CLDN18: variants seen among roughly 807,000 people sequenced by gnomAD.
CLDN18 encodes the protein claudin-18.
Under a neutral mutation model 25.0 loss-of-function variants are expected in CLDN18, and 20 were observed. The ratio of observed to expected loss-of-function variants is 0.80; its 90% CI spans 0.56 to 1.16. CLDN18 has a LOEUF of 1.16. Ranked by LOEUF, CLDN18 falls within the 50% of genes most tolerant of loss-of-function variation. The probability of loss-of-function intolerance (pLI) is 0.00; values close to 1 mark genes in which losing one functional copy is unlikely to be tolerated. For missense variants in CLDN18, 297 were observed against 345.4 expected (o/e 0.86, Z 1.11); for synonymous variants, 125 against 135.6 (o/e 0.92, Z 0.54).
rs1012252571 is a variant in CLDN18, at chr3:138,031,939, G to A, written c.*798G>A. Reference sequence around the variant, plus strand: ...TAGTAAAATGATACACTATCTCTGTGAAATAGCCTCACCCCTACATGTGGA... The same window carrying A: ...TAGTAAAATGATACACTATCTCTGTAAAATAGCCTCACCCCTACATGTGGA... On this transcript the variant is annotated 3_prime_UTR_variant, in exon 5 of 5. Coordinates refer to ENST00000183605, the MANE Select transcript of CLDN18 (RefSeq NM_016369.4). The A allele has an allele frequency of 2.0e-5, 3 of 152,126 alleles. No homozygotes were observed. Among genetic ancestry groups the A allele is most frequent in the Non-Finnish European group, 2.9e-5 (2 of 68,018 alleles). The allele number at this position is 152,126 out of a possible 1,614,324, so 9.4% of individuals were successfully genotyped here. A position where few individuals can be genotyped will look rare whatever the true frequency, so the allele number is the denominator to read the frequency against.
intron 1 of CLDN18, among the ~76,000 whole-genome samples, chr3:138,002,189 C>T (rs963766702): frequency 3.3e-5 from 5 of 152,120 alleles, no homozygotes; most frequent in Admixed American, 6.5e-5. Context: ...GAGGTGTCTA[C>T]GACTTGGTAG....
intron 1 of CLDN18, among the ~76,000 whole-genome samples, chr3:138,016,295 C>G (rs549712179): frequency 1.3e-5 from 2 of 152,290 alleles, no homozygotes; most frequent in East Asian, 3.9e-4. Flanking sequence ...GACCCTGTTT[C>G]TAAAGGCAGG....
chr3:138,009,232 C>A (rs1942101489), upstream of CLDN18, among the ~76,000 whole-genome samples: 1 of 152,198 alleles, frequency 6.6e-6, no homozygotes, highest in South Asian at 2.1e-4. Context: ...CCCCAACCTG[C>A]CCAGCACACG....
In CLDN18 at chr3:138,010,358, C is replaced by G; in HGVS notation, c.133C>G (p.Gln45Glu). Residue 45 changes from glutamine to glutamate, a missense_variant, in exon 1 of 5, where the codon CAG becomes GAG. Coordinates refer to ENST00000183605, the MANE Select transcript of CLDN18 (RefSeq NM_016369.4). The part of the protein sequence containing the change: ...LYDNPVTSVF[Q>E]YEGLWRSCVR... ...CGACAACCCCGTCACCTCCGTGTTC[C>G]AGTACGAAGGGCTCTGGAGGAGCTG... 1 of 1,614,244 alleles carries G rather than the reference C, an allele frequency of 6.2e-7. No individual in the cohort carries two copies. Among genetic ancestry groups the G allele is most frequent in the Non-Finnish European group, 8.5e-7 (1 of 1,180,044 alleles).
At chr3:138,020,181 T>C (rs1318076586) in intron 1 of CLDN18, among the ~76,000 whole-genome samples, 1 of 152,106 alleles carries the variant, frequency 6.6e-6, no homozygotes, top group African/African-American at 2.4e-5. Context: ...TTACTAGACA[T>C]AGGGGGTTTC....
chr3:138,030,812 A>G (rs1260289639), intron 4 of CLDN18, among the ~76,000 whole-genome samples, 158 bp from the exon 5 acceptor site: 2 of 152,250 alleles, frequency 1.3e-5, no homozygotes, highest in African/African-American at 2.4e-5. Flanking sequence ...CAGTGTACCA[A>G]AAACTAAGGT....
At position 138,021,208 on chromosome 3, in the gene CLDN18, T is replaced by G. The variant is rs185847358; in HGVS notation, c.221-2450T>G. Among the ~76,000 whole-genome samples, 7 of 152,306 alleles carry G rather than the reference T, an allele frequency of 4.6e-5. No individual in the cohort carries two copies. The East Asian group carries it at 1.2e-3, about 25-fold the overall frequency. ...TTGTTTACAGTTTCCTCTGAGCCCT[T>G]TGCCTACAGCCCTATAGGCAGATTC... On this transcript the variant is annotated intron_variant, in intron 1 of 4. Coordinates refer to ENST00000183605, the MANE Select transcript of CLDN18 (RefSeq NM_016369.4).
intron 1 of CLDN18, among the ~76,000 whole-genome samples, chr3:138,017,998 G>A (rs1310012540): frequency 6.6e-6 from 1 of 152,126 alleles, no homozygotes; most frequent in African/African-American, 2.4e-5. Flanking sequence ...GATGGCAGAG[G>A]CAGCTACCAC....
intron 1 of CLDN18, among the ~76,000 whole-genome samples, chr3:138,013,999 G>A (rs1942171884): frequency 6.6e-6 from 1 of 151,938 alleles, no homozygotes; most frequent in Non-Finnish European, 1.5e-5. Flanking sequence ...TGGGGGTGGG[G>A]GCGGAAAGCA....
intron 1 of CLDN18, among the ~76,000 whole-genome samples, chr3:138,022,025 G>A (rs1471055469): frequency 6.6e-6 from 1 of 152,160 alleles, no homozygotes; most frequent in Admixed American, 6.5e-5. Context: ...AATGTATGTG[G>A]ACCATAGGAA....
chr3:137,999,689 C>G, intron 1 of CLDN18, among the ~76,000 whole-genome samples: 1 of 152,178 alleles, frequency 6.6e-6, no homozygotes, highest in East Asian at 1.9e-4. Context: ...AGACTCAGGG[C>G]GCTCTCTGCA....
chr3:138,023,774 G>C lies in CLDN18; in HGVS notation c.337G>C (p.Ala113Pro), dbSNP rs762329918. 12 of 1,613,928 alleles carry C rather than the reference G, an allele frequency of 7.4e-6. No individual in the cohort carries two copies. In the Admixed American group the frequency reaches 2.0e-4, roughly 27 times the overall value. ...CIRIGSMEDS[A>P]KANMTLTSGI... is the part of the protein sequence containing the mutation. Reference sequence around the variant, plus strand: ...CCGCATTGGCAGCATGGAGGACTCTGCCAAAGCCAACATGACACTGACCTC... The same window carrying C: ...CCGCATTGGCAGCATGGAGGACTCTCCCAAAGCCAACATGACACTGACCTC... Residue 113 changes from alanine to proline, a missense_variant, in exon 2 of 5, where the codon GCC becomes CCC. Ala to Pro is a conservative substitution (Grantham distance 27, BLOSUM62 -1). Coordinates refer to ENST00000183605, the MANE Select transcript of CLDN18 (RefSeq NM_016369.4).
At chr3:138,021,662 C>A (rs1338128104) in intron 1 of CLDN18, among the ~76,000 whole-genome samples, 1 of 152,030 alleles carries the variant, frequency 6.6e-6, no homozygotes, top group African/African-American at 2.4e-5. Flanking sequence ...GAAAAAAAAT[C>A]AGCAATTTCC....
Position 138,010,424 on chromosome 3 carries a change from T to C in CLDN18, c.199T>C (p.Phe67Leu). Residue 67 changes from phenylalanine (F) to leucine (L), a missense_variant, in exon 1 of 5, where the codon TTC (phenylalanine) becomes CTC (leucine). Transcript: ENST00000183605. ...SSGFTECRPY[F>L]TILGLPAMLQ... The stretch of plus-strand genomic sequence containing the variant: ...AGGCTTCACCGAATGCAGGCCCTAT[T>C]TCACCATCCTGGGACTTCCAGGTAG... The C allele has an allele frequency of 6.2e-7, 1 of 1,614,172 alleles. No individual in the cohort carries two copies. The highest frequency in any genetic ancestry group is 8.5e-7 in the Non-Finnish European group (1 of 1,180,014).
At chr3:138,025,845 T>G (rs2107888468) in intron 3 of CLDN18, among the ~76,000 whole-genome samples, 1 of 152,246 alleles carries the variant, frequency 6.6e-6, no homozygotes, top group South Asian at 2.1e-4. Flanking sequence ...CCCAGAGTAT[T>G]TGGGTGCCTG....
chr3:137,999,284 T>C (rs571918905), intron 1 of CLDN18, among the ~76,000 whole-genome samples: 1 of 152,296 alleles, frequency 6.6e-6, no homozygotes, highest in Non-Finnish European at 1.5e-5. Flanking sequence ...TCTGGAGCTG[T>C]CTGAGCTCCT....
At chr3:138,030,807 T>C (rs1942382742) in intron 4 of CLDN18, among the ~76,000 whole-genome samples, 163 bp from the exon 5 acceptor site, 1 of 152,216 alleles carries the variant, frequency 6.6e-6, no homozygotes, top group African/African-American at 2.4e-5. Context: ...AAAACCAGTG[T>C]ACCAAAAACT....
chr3:137,999,689 C>T (rs1280097501), intron 1 of CLDN18, among the ~76,000 whole-genome samples: 3 of 152,178 alleles, frequency 2.0e-5, no homozygotes, highest in Non-Finnish European at 2.9e-5. Flanking sequence ...AGACTCAGGG[C>T]GCTCTCTGCA....
chr3:138,015,267 G>A lies in CLDN18; in HGVS notation c.220+4822G>A, dbSNP rs192258677. Among the ~76,000 whole-genome samples the A allele has an allele frequency of 1.6e-3, 238 of 152,352 alleles. 1 individual carries two copies. Among genetic ancestry groups the A allele is most frequent in the African/African-American group, 5.5e-3 (230 of 41,572 alleles). Reference sequence around the variant, plus strand: ...GCAAGGAGATAAAACAGCCCGAGATGACACCTGTGGGGCTCCTAAAGGAGC... The same window carrying A: ...GCAAGGAGATAAAACAGCCCGAGATAACACCTGTGGGGCTCCTAAAGGAGC... On this transcript the variant is annotated intron_variant, in intron 1 of 4. Coordinates refer to ENST00000183605, the MANE Select transcript of CLDN18 (RefSeq NM_016369.4).
Sources: gnomAD v4.1 joint callset for allele counts (sites outside exome capture counted in the v4.1 genomes callset) on GRCh38, gnomAD v4.1.1 for gene constraint, MANE v1.5 for transcripts, NCBI Gene and HGNC (gene_info 2026-07-23, HGNC 2026-07-21) for gene names.